CDH18: variants seen among roughly 807,000 people sequenced by gnomAD.
CDH18 encodes cadherin-18.
In CDH18, 31 loss-of-function variants were observed where a neutral mutation model predicts 67.9. The observed-to-expected ratio is 0.46, with a 90% CI of 0.34 to 0.62. The LOEUF is 0.62. Among genes scored for constraint, CDH18 ranks in the 20% least tolerant of loss-of-function variants. CDH18 has a pLI of 0.01. For missense variants in CDH18, 890 were observed against 975.5 expected, an observed-to-expected ratio of 0.91 and a Z score of 1.17; for synonymous variants, 362 against 347.2, an observed-to-expected ratio of 1.04 and a Z score of -0.48.
At chr5:19,824,012 C>T (rs1388339106) in intron 3 of CDH18, among the ~76,000 whole-genome samples, 1 of 151,766 alleles carries the variant, frequency 6.6e-6, no homozygotes, top group Non-Finnish European at 1.5e-5. Context: ...ATAACCTTAA[C>T]ATCACAACTA....
intron 1 of CDH18, among the ~76,000 whole-genome samples, chr5:20,445,251 A>G (rs1421172216): frequency 6.6e-6 from 1 of 152,202 alleles, no homozygotes; most frequent in Non-Finnish European, 1.5e-5. Context: ...TAAATTGCAT[A>G]CAATTCTAAC....
At chr5:19,964,291 A>T (rs1797209656) in intron 2 of CDH18, among the ~76,000 whole-genome samples, 1 of 151,978 alleles carries the variant, frequency 6.6e-6, no homozygotes, top group African/African-American at 2.4e-5. Flanking sequence ...AGTTGAAATG[A>T]ACCTAAAGAT....
intron 3 of CDH18, among the ~76,000 whole-genome samples, chr5:19,789,006 C>T (rs1776094254): frequency 6.6e-6 from 1 of 152,088 alleles, no homozygotes; most frequent in African/African-American, 2.4e-5. Context: ...AGGGAAGAGC[C>T]GCCTATACAT....
At chr5:20,172,200 A>ACG (rs35915120) in intron 2 of CDH18, among the ~76,000 whole-genome samples, 4 of 36,398 alleles carry the variant, frequency 1.1e-4, no homozygotes, top group East Asian at 1.8e-3. Context: ...GTATATATAT[A>ACG]TATATATATA....
At chr5:20,513,604 T>C (rs1755177312) in intron 1 of CDH18, among the ~76,000 whole-genome samples, 1 of 152,116 alleles carries the variant, frequency 6.6e-6, no homozygotes, top group Non-Finnish European at 1.5e-5. Flanking sequence ...TAGGCAGAAA[T>C]GTCCAGGTTG....
chr5:20,378,272 C>T (rs1450195799), intron 1 of CDH18, among the ~76,000 whole-genome samples: 1 of 152,036 alleles, frequency 6.6e-6, no homozygotes, highest in East Asian at 1.9e-4. Flanking sequence ...CCCGGGTTCA[C>T]GCCATTCTCC....
In CDH18 at chr5:19,944,448, G is replaced by T. The variant is rs530247516; in HGVS notation, c.-257+36612C>A. Among the ~76,000 whole-genome samples, 79 of 152,186 alleles carry T rather than the reference G, an allele frequency of 5.2e-4. 1 individual carries two copies. The highest frequency in any genetic ancestry group is 2.1e-3 in the South Asian group (10 of 4,826). The stretch of plus-strand genomic sequence containing the variant: ...TCACCATTCCTAAAACTAAGTTTTT[G>T]ATTTGAGTGGTGAATGTTTACTGTG... On this transcript the variant is annotated intron_variant, in intron 2 of 12. Coordinates refer to ENST00000382275, the MANE Select transcript of CDH18 (RefSeq NM_004934.5).
At chr5:20,090,652 C>A (rs1430979789) in intron 2 of CDH18, among the ~76,000 whole-genome samples, 1 of 152,028 alleles carries the variant, frequency 6.6e-6, no homozygotes, top group African/African-American at 2.4e-5. Flanking sequence ...TAAGTGATTT[C>A]TAAAAGATGT....
intron 3 of CDH18, among the ~76,000 whole-genome samples, chr5:19,754,310 G>GAA (rs903970156): frequency 3.3e-5 from 5 of 152,164 alleles, no homozygotes; most frequent in African/African-American, 1.2e-4. Flanking sequence ...GTAAAGTGGT[G>GAA]AAAAAAAGAC....
At chr5:19,784,738 C>G (rs1176928254) in intron 3 of CDH18, among the ~76,000 whole-genome samples, 2 of 152,080 alleles carry the variant, frequency 1.3e-5, no homozygotes, top group African/African-American at 4.8e-5. Flanking sequence ...ATATTCTTGG[C>G]CTTTCTTGGA....
At chr5:19,883,929 T>C (rs1044515777) in intron 2 of CDH18, among the ~76,000 whole-genome samples, 1 of 152,180 alleles carries the variant, frequency 6.6e-6, no homozygotes, top group Non-Finnish European at 1.5e-5. Flanking sequence ...AATTATATTT[T>C]ACTTTCTGAA....
chr5:19,993,913 C>T (rs1428101714), intron 2 of CDH18, among the ~76,000 whole-genome samples: 1 of 152,062 alleles, frequency 6.6e-6, no homozygotes, highest in Non-Finnish European at 1.5e-5. Flanking sequence ...ATACTGTGCC[C>T]TTAATTATTA....
chr5:19,859,798 G>T (rs1187664481), intron 2 of CDH18, among the ~76,000 whole-genome samples: 1 of 152,010 alleles, frequency 6.6e-6, no homozygotes, highest in Non-Finnish European at 1.5e-5. Flanking sequence ...AAACCATGCT[G>T]TAGCCCAACC....
chr5:20,560,317 T>TC (rs1758128438), intron 1 of CDH18, among the ~76,000 whole-genome samples: 1 of 152,064 alleles, frequency 6.6e-6, no homozygotes, highest in Non-Finnish European at 1.5e-5. Flanking sequence ...TTAGTCACAA[T>TC]CATATTACAC....
At chr5:20,460,519 T>C (rs1326327286) in intron 1 of CDH18, among the ~76,000 whole-genome samples, 5 of 152,166 alleles carry the variant, frequency 3.3e-5, no homozygotes, top group Non-Finnish European at 7.4e-5. Flanking sequence ...TGATGGTGAC[T>C]GGCATTTTGG....
intron 2 of CDH18, among the ~76,000 whole-genome samples, chr5:20,102,165 A>C (rs1306542420): frequency 6.6e-6 from 1 of 152,202 alleles, no homozygotes; most frequent in Non-Finnish European, 1.5e-5. Flanking sequence ...GGAATAAATT[A>C]AACATAAAGT....
intron 2 of CDH18, among the ~76,000 whole-genome samples, chr5:20,172,218 A>ACG (rs1561848595): frequency 3.7e-5 from 3 of 80,718 alleles, no homozygotes; most frequent in African/African-American, 1.8e-4. Flanking sequence ...ATATATATAT[A>ACG]TATATGTATA....
chr5:20,282,009 C>G (rs1746316574), intron 1 of CDH18, among the ~76,000 whole-genome samples: 1 of 152,070 alleles, frequency 6.6e-6, no homozygotes, highest in South Asian at 2.1e-4. Context: ...ATTTGGCTCT[C>G]TGTTTGTCTG....
chr5:19,543,688 A>T (rs1353081644), intron 9 of CDH18, among the ~76,000 whole-genome samples, 181 bp downstream of exon 9: 1 of 152,144 alleles, frequency 6.6e-6, no homozygotes, highest in African/African-American at 2.4e-5. Context: ...TACAGTAAGG[A>T]GGAAGGCATA....
Sources: allele counts gnomAD v4.1 joint callset (sites outside exome capture counted in the v4.1 genomes callset), GRCh38; gene constraint gnomAD v4.1.1; transcripts MANE v1.5; gene names NCBI Gene and HGNC (gene_info 2026-07-23, HGNC 2026-07-21).